Variants in EVA1A observed in about 807,000 individuals in gnomAD.
EVA1A encodes the protein protein eva-1 homolog A.
Under a neutral mutation model 9.8 loss-of-function variants are expected in EVA1A, and 7 were observed. The ratio of observed to expected loss-of-function variants is 0.71; its 90% CI spans 0.41 to 1.34. The LOEUF (loss-of-function observed/expected upper bound fraction) is 1.34. Among genes scored for constraint, EVA1A ranks in the 40% most tolerant of loss-of-function variants. EVA1A has a pLI of 0.01. For missense variants in EVA1A, 206 were observed against 205.9 expected (o/e 1.00, Z 0.00); for synonymous variants, 90 against 85.6 (o/e 1.05, Z -0.28).
intron 1 of EVA1A, among the ~76,000 whole-genome samples, chr2:75,530,601 C>T (rs1323089310): frequency 6.6e-6 from 1 of 152,044 alleles, no homozygotes; most frequent in Non-Finnish European, 1.5e-5. Context: ...GTTTAACATA[C>T]ACAAGTCAAT....
chr2:75,514,634 G>A lies in EVA1A; in HGVS notation c.85+3422C>T, dbSNP rs981759095. Among the ~76,000 whole-genome samples the A allele has an allele frequency of 3.3e-5, 5 of 152,086 alleles. No homozygotes were observed. In the East Asian group the frequency reaches 9.6e-4, roughly 29 times the overall value. On this transcript the variant is annotated intron_variant, in intron 3 of 3. Transcript: ENST00000393913. ...TACATATGAATATACATATATAAAT[G>A]GGATTATAATATATATGGTGTGTGG...
chr2:75,504,861 C>T (rs925871318), intron 3 of EVA1A, among the ~76,000 whole-genome samples: 8 of 152,126 alleles, frequency 5.3e-5, no homozygotes, highest in African/African-American at 1.9e-4. Flanking sequence ...GGCTTGAAAC[C>T]TAGATAACAG....
At chr2:75,561,721 G>C (rs1676928265), upstream of EVA1A, among the ~76,000 whole-genome samples, 1 of 152,176 alleles carries the variant, frequency 6.6e-6, no homozygotes, top group South Asian at 2.1e-4. Flanking sequence ...TGGACAGAGG[G>C]AAGACGGAAT....
chr2:75,517,898 C>G (rs1360738879), intron 3 of EVA1A, 158 bp downstream of exon 3: 1 of 850,428 alleles, frequency 1.2e-6, no homozygotes, highest in South Asian at 1.4e-5. Context: ...AACTCCCAAC[C>G]TGGAGACCTT....
intron 1 of EVA1A, among the ~76,000 whole-genome samples, chr2:75,558,915 A>C (rs1037452074): frequency 6.6e-6 from 1 of 152,216 alleles, no homozygotes; most frequent in Non-Finnish European, 1.5e-5. Context: ...TCTGCTAGCA[A>C]TAGGGGACCA....
chr2:75,518,196 T>C lies in EVA1A; in HGVS notation c.-56A>G. 1 of 1,597,998 alleles carries C rather than the reference T, an allele frequency of 6.3e-7. No homozygotes were observed. The highest frequency in any genetic ancestry group is 1.1e-5 in the South Asian group (1 of 87,870). ...CTTGGCTGAATCAACGTGGCCACTC[T>C]CCTTCTTCTCTTCTGTTTGGGAACA... On this transcript the variant is annotated 5_prime_UTR_variant, in exon 3 of 4. Coordinates refer to ENST00000393913, the MANE Select transcript of EVA1A (RefSeq NM_001135032.2).
chr2:75,502,252 T>C (rs1278218588), intron 3 of EVA1A, among the ~76,000 whole-genome samples: 1 of 152,226 alleles, frequency 6.6e-6, no homozygotes. Flanking sequence ...CCCTGGAGTA[T>C]GAATCTGGAG....
intron 3 of EVA1A, among the ~76,000 whole-genome samples, chr2:75,516,922 C>A (rs567553848): frequency 8.0e-4 from 122 of 152,220 alleles, no homozygotes; most frequent in East Asian, 1.9e-3. Flanking sequence ...GGGTGAGTGC[C>A]TGGAGAAGGA....
At position 75,515,903 on chromosome 2, in the gene EVA1A, G is replaced by A. The variant is rs200137030; in HGVS notation, c.85+2153C>T. Among the ~76,000 whole-genome samples, 36 of 152,160 alleles carry A rather than the reference G, an allele frequency of 2.4e-4. No individual in the cohort carries two copies. The East Asian group carries it at 5.6e-3, about 24-fold the overall frequency. On this transcript the variant is annotated intron_variant, in intron 3 of 3. Coordinates refer to ENST00000393913, the MANE Select transcript of EVA1A (RefSeq NM_001135032.2). ...ACAAAGAACACACACACACACACAA[G>A]AAAGTGAGCAGGATTTACTCAGAGT...
intron 3 of EVA1A, among the ~76,000 whole-genome samples, chr2:75,508,224 A>T (rs141010144): frequency 0.02 from 3,022 of 152,316 alleles, 86 homozygotes; most frequent in African/African-American, 0.061. Flanking sequence ...AAAGAACAGG[A>T]TAACAGCAAT....
chr2:75,527,175 G>C (rs1057034168), intron 1 of EVA1A, among the ~76,000 whole-genome samples: 2 of 152,038 alleles, frequency 1.3e-5, no homozygotes, highest in African/African-American at 4.8e-5. Flanking sequence ...AAAACCCATG[G>C]CCTCATCCAC....
At chr2:75,518,972 G>C in intron 2 of EVA1A, 1 of 607,308 alleles carries the variant, frequency 1.6e-6, no homozygotes, top group Non-Finnish European at 2.1e-6. Context: ...ACCTGTGACT[G>C]TGATGGGCCA....
intron 3 of EVA1A, among the ~76,000 whole-genome samples, chr2:75,505,313 T>C (rs918631754): frequency 7.9e-5 from 12 of 152,150 alleles, no homozygotes; most frequent in African/African-American, 2.9e-4. Context: ...TATATAACCA[T>C]TATCTTTCCC....
chr2:75,526,576 T>A (rs1247240432), intron 1 of EVA1A, among the ~76,000 whole-genome samples: 1 of 152,210 alleles, frequency 6.6e-6, no homozygotes, highest in Admixed American at 6.5e-5. Context: ...AAAGTTGGAA[T>A]TTAAACTTAG....
intron 1 of EVA1A, among the ~76,000 whole-genome samples, chr2:75,568,899 T>C (rs1573001335): frequency 6.6e-6 from 1 of 152,380 alleles, no homozygotes; most frequent in East Asian, 1.9e-4. Context: ...GGAACTATGC[T>C]TTCACATCTT....
chr2:75,508,112 G>C (rs1674682106), intron 3 of EVA1A, among the ~76,000 whole-genome samples: 1 of 152,128 alleles, frequency 6.6e-6, no homozygotes, highest in Admixed American at 6.6e-5. Context: ...CCTGTCAGCT[G>C]AGGAGGATGT....
chr2:75,530,268 A>C (rs116723542), intron 1 of EVA1A, among the ~76,000 whole-genome samples: 520 of 152,194 alleles, frequency 3.4e-3, no homozygotes, highest in African/African-American at 0.012. Flanking sequence ...AAAAGTTGCC[A>C]ATAAAAAAAA....
chr2:75,518,353 T>C, intron 2 of EVA1A, 145 bp from the exon 3 acceptor site: 1 of 900,938 alleles, frequency 1.1e-6, no homozygotes, highest in African/African-American at 1.7e-5. Flanking sequence ...AGACCCTCTC[T>C]GGCCAGCCCC....
chr2:75,526,564 G>A lies in EVA1A; in HGVS notation c.-191-4077C>T, dbSNP rs73938944. ...CCTAAGATCACCTAGCTAGAAAATG[G>A]TAAAGTTGGAATTTAAACTTAGTCA... On this transcript the variant is annotated intron_variant, in intron 1 of 3. Coordinates refer to ENST00000393913, the MANE Select transcript of EVA1A (RefSeq NM_001135032.2). 6.9e-3 allele frequency among the ~76,000 whole-genome samples: 1,058 copies of A among 152,290 alleles called. 9 individuals carry two copies. Among genetic ancestry groups the A allele is most frequent in the African/African-American group, 0.024 (1,009 of 41,542 alleles).
Sources: allele counts gnomAD v4.1 joint callset (sites outside exome capture counted in the v4.1 genomes callset), GRCh38; gene constraint gnomAD v4.1.1; transcripts MANE v1.5; gene names NCBI Gene and HGNC (gene_info 2026-07-23, HGNC 2026-07-21).